The following MPRIP variants were observed in gnomAD, a reference collection of about 807,000 sequenced individuals.
The protein encoded by MPRIP is myosin phosphatase Rho interacting protein.
A neutral mutation model predicts 234.9 loss-of-function variants in MPRIP; 59 were observed. That is an observed-to-expected ratio of 0.25 (90% CI 0.20 to 0.31). The LOEUF (loss-of-function observed/expected upper bound fraction) is 0.31. MPRIP is among the 10% of genes least tolerant of loss of function. The pLI, the probability that MPRIP is intolerant of heterozygous loss-of-function variation, is 1.00. For missense variants in MPRIP, 2,436 were observed against 3,071.0 expected, an observed-to-expected ratio of 0.79 and a Z score of 4.89; for synonymous variants, 1,144 against 1,263.9, an observed-to-expected ratio of 0.91 and a Z score of 2.01.
intron 3 of MPRIP, among the ~76,000 whole-genome samples, chr17:17,102,910 G>A (rs528561186): frequency 6.6e-6 from 1 of 152,248 alleles, no homozygotes; most frequent in African/African-American, 2.4e-5. Flanking sequence ...GCACCCTTCT[G>A]GGGGTGGACC....
At chr17:17,151,232 A>G (rs1479582133) in intron 12 of MPRIP, among the ~76,000 whole-genome samples, 1 of 152,120 alleles carries the variant, frequency 6.6e-6, no homozygotes. Context: ...TTCAGTTTCA[A>G]AAATTCACTA....
chr17:17,119,800 C>T (rs968742839), intron 3 of MPRIP, among the ~76,000 whole-genome samples: 1 of 152,216 alleles, frequency 6.6e-6, no homozygotes, highest in African/African-American at 2.4e-5. Flanking sequence ...AAGTGGGTCA[C>T]AGTGCATATG....
At chr17:17,055,841 G>T (rs1236025797) in intron 1 of MPRIP, among the ~76,000 whole-genome samples, 1 of 152,164 alleles carries the variant, frequency 6.6e-6, no homozygotes, top group Non-Finnish European at 1.5e-5. Flanking sequence ...GTTTTGTGGC[G>T]CTGTTGGTGG....
At chr17:17,151,632 G>A (rs2045605483) in intron 12 of MPRIP, among the ~76,000 whole-genome samples, 1 of 152,208 alleles carries the variant, frequency 6.6e-6, no homozygotes, top group African/African-American at 2.4e-5. Flanking sequence ...TTCTGGCCAG[G>A]CCAGCCTCTA....
At chr17:17,175,519 G>T in intron 20 of MPRIP, 107 bp downstream of exon 20, 1 of 1,351,614 alleles carries the variant, frequency 7.4e-7, no homozygotes. Flanking sequence ...ACAGACCTGA[G>T]ACAGCAGGAG....
chr17:17,105,606 G>A (rs1418822788), intron 3 of MPRIP, among the ~76,000 whole-genome samples: 1 of 152,172 alleles, frequency 6.6e-6, no homozygotes, highest in Non-Finnish European at 1.5e-5. Flanking sequence ...CTGAGGCAGA[G>A]GAGGGCAGGC....
chr17:17,131,772 G>A, intron 5 of MPRIP, 71 bp downstream of exon 5: 1 of 1,386,836 alleles, frequency 7.2e-7, no homozygotes, highest in Admixed American at 1.7e-5. Context: ...AGGGCTCCCT[G>A]AGGTTAGAGG....
At chr17:17,084,668 G>T (rs1200100445) in intron 3 of MPRIP, among the ~76,000 whole-genome samples, 2 of 152,190 alleles carry the variant, frequency 1.3e-5, no homozygotes, top group Non-Finnish European at 1.5e-5. Flanking sequence ...CGTGCGGGTG[G>T]AAAATAGGGC....
chr17:17,165,408 C>A lies in MPRIP; in HGVS notation c.3817C>A (p.Pro1273Thr). 1 of 1,304,184 alleles carries A rather than the reference C, an allele frequency of 7.7e-7. No homozygotes were observed. The highest frequency in any genetic ancestry group is 1.0e-6 in the Non-Finnish European group (1 of 988,964). The allele number at this position is 1,304,184 out of a possible 1,614,324, so 80.8% of individuals were successfully genotyped here. A position where few individuals can be genotyped will look rare whatever the true frequency, so the allele number is the denominator to read the frequency against. ...GGATGAGGACGAGGACCTGGGGGCT[C>A]CTCCGGGGGAAGAGTACGGTGATGG... Reference protein sequence around the residue: ...LEDEDEDLGAPPGEEYGDGSP... With the variant: ...LEDEDEDLGATPGEEYGDGSP... Residue 1273 changes from proline to threonine, a missense_variant, in exon 16 of 24, where the codon CCT becomes ACT. By Grantham distance (38) the Pro-to-Thr change is conservative. Transcript: ENST00000651222.
At chr17:17,126,961 T>G in intron 4 of MPRIP, 108 bp downstream of exon 4, 5 of 1,360,480 alleles carry the variant, frequency 3.7e-6, no homozygotes, top group African/African-American at 1.4e-5. Flanking sequence ...CTTCCCCGTG[T>G]GCCTCTATTC....
intron 1 of MPRIP, among the ~76,000 whole-genome samples, chr17:17,073,982 A>G (rs1486676521): frequency 6.6e-6 from 1 of 152,172 alleles, no homozygotes. Flanking sequence ...GGGGAAAGCC[A>G]GTGCTCCTGG....
intron 7 of MPRIP, among the ~76,000 whole-genome samples, chr17:17,140,402 T>A (rs2090788314): frequency 6.6e-6 from 1 of 152,168 alleles, no homozygotes; most frequent in Non-Finnish European, 1.5e-5. Flanking sequence ...CCCCACCAGT[T>A]CTGCATACTA....
At chr17:17,059,709 G>A (rs932665731) in intron 1 of MPRIP, among the ~76,000 whole-genome samples, 4 of 152,166 alleles carry the variant, frequency 2.6e-5, no homozygotes, top group African/African-American at 9.7e-5. Context: ...GAGGCTTTGC[G>A]AACTTTGCAT....
At position 17,165,499 on chromosome 17, in the gene MPRIP, A is replaced by G. The variant is rs1394555949; in HGVS notation, c.3908A>G (p.His1303Arg). The stretch of plus-strand genomic sequence containing the variant: ...GTGGAAGTGCTTGACAGGGAGGGCC[A>G]TCAGCAGGGCACAGCCAAACTCGAC... ...KSVEVLDREG[H>R]QQGTAKLDQG... The change falls in exon 16 of 24, where the codon CAT becomes CGT. Residue 1303 changes from histidine (H) to arginine (R), a missense_variant. This residue lies in a region of MPRIP where 1,998 missense variants were observed against 2,520.3 expected (regional missense o/e 0.79). Transcript: ENST00000651222. 3.1e-6 allele frequency: 4 copies of G among 1,304,264 alleles called. No homozygotes were observed. The highest frequency in any genetic ancestry group is 2.3e-5 in the Admixed American group (1 of 43,552). 80.8% of individuals were successfully genotyped at this position (1,304,264 alleles called of 1,614,324 possible). A position where few individuals can be genotyped will look rare whatever the true frequency, so the allele number is the denominator to read the frequency against.
chr17:17,110,799 A>T (rs952191135), intron 3 of MPRIP, among the ~76,000 whole-genome samples: 1 of 152,188 alleles, frequency 6.6e-6, no homozygotes, highest in Admixed American at 6.5e-5. Context: ...ACTCCTCAAA[A>T]CCATCAAGGT....
At chr17:17,172,152 T>A (rs1385849824) in intron 17 of MPRIP, among the ~76,000 whole-genome samples, 1 of 152,238 alleles carries the variant, frequency 6.6e-6, no homozygotes, top group Non-Finnish European at 1.5e-5. Context: ...ACAAGTAGAC[T>A]GACCAGTGTC....
chr17:17,085,291 G>C (rs1298428167), intron 3 of MPRIP, among the ~76,000 whole-genome samples: 1 of 152,124 alleles, frequency 6.6e-6, no homozygotes, highest in Non-Finnish European at 1.5e-5. Context: ...TTTCTGTGCT[G>C]TGTGTTTTCA....
chr17:17,127,222 G>T (rs558438675), intron 4 of MPRIP, among the ~76,000 whole-genome samples: 1 of 152,330 alleles, frequency 6.6e-6, no homozygotes, highest in East Asian at 1.9e-4. Flanking sequence ...TCCTTCCAGG[G>T]CTGGTGCTGG....
intron 9 of MPRIP, among the ~76,000 whole-genome samples, chr17:17,144,324 T>C (rs918146222): frequency 1.1e-4 from 17 of 152,188 alleles, no homozygotes; most frequent in Admixed American, 9.8e-4. Context: ...CAACCACAGA[T>C]TGATGTGTAA....
Sources: allele counts gnomAD v4.1 joint callset (sites outside exome capture counted in the v4.1 genomes callset), GRCh38; gene constraint gnomAD v4.1.1; regional missense constraint gnomAD v4.1.1; transcripts MANE v1.5; gene names NCBI Gene and HGNC (gene_info 2026-07-23, HGNC 2026-07-21).